CDC73: variants seen among roughly 807,000 people sequenced by gnomAD.
CDC73 encodes the protein cell division cycle 73, also known as parafibromin.
CDC73 carries 21 observed loss-of-function variants against 83.7 expected under a neutral mutation model. That is an observed-to-expected ratio of 0.25 (90% CI 0.18 to 0.36). The LOEUF (loss-of-function observed/expected upper bound fraction) is 0.36. Among genes scored for constraint, CDC73 ranks in the 10% least tolerant of loss-of-function variants. CDC73 has a pLI of 1.00. For missense variants in CDC73, 342 were observed against 653.3 expected, an observed-to-expected ratio of 0.52 and a Z score of 5.19; for synonymous variants, 224 against 212.9, an observed-to-expected ratio of 1.05 and a Z score of -0.45.
intron 10 of CDC73, among the ~76,000 whole-genome samples, chr1:193,190,702 C>G (rs1008883262): frequency 6.6e-6 from 1 of 152,200 alleles, no homozygotes; most frequent in Non-Finnish European, 1.5e-5. Context: ...TGTTTTAATT[C>G]ATGCAAACTA....
chr1:193,151,164 T>G (rs1181709430), intron 9 of CDC73, among the ~76,000 whole-genome samples: 1 of 152,192 alleles, frequency 6.6e-6, no homozygotes, highest in South Asian at 2.1e-4. Context: ...ATGACTTGAT[T>G]CATGAAAATA....
At chr1:193,166,315 C>T (rs1479721306) in intron 10 of CDC73, among the ~76,000 whole-genome samples, 1 of 152,068 alleles carries the variant, frequency 6.6e-6, no homozygotes, top group Non-Finnish European at 1.5e-5. Flanking sequence ...ACTGCAATGC[C>T]CAGCTAATTT....
chr1:193,147,840 C>A, intron 7 of CDC73, 27 bp from the exon 8 acceptor site: 1 of 1,253,614 alleles, frequency 8.0e-7, no homozygotes, highest in Non-Finnish European at 1.2e-6. Flanking sequence ...TTAAAGTGGG[C>A]TTAATTAAAA....
chr1:193,209,327 T>TG (rs1425995287), intron 11 of CDC73, among the ~76,000 whole-genome samples: 2 of 152,172 alleles, frequency 1.3e-5, no homozygotes, highest in Admixed American at 1.3e-4. Context: ...ATTCAGTAAA[T>TG]GGTAAGTATG....
At chr1:193,246,169 G>T (rs530508821) in intron 15 of CDC73, among the ~76,000 whole-genome samples, 5 of 151,968 alleles carry the variant, frequency 3.3e-5, no homozygotes, top group African/African-American at 1.2e-4. Flanking sequence ...TTTGTTGTCA[G>T]TGCTTTTATT....
At chr1:193,250,069 A>C (rs1678021772) in intron 16 of CDC73, among the ~76,000 whole-genome samples, 198 bp downstream of exon 16, 1 of 151,918 alleles carries the variant, frequency 6.6e-6, no homozygotes, top group Non-Finnish European at 1.5e-5. Context: ...GCCTGATAGA[A>C]GTAACACTAA....
chr1:193,193,303 GA>G (rs1270913319), intron 10 of CDC73, among the ~76,000 whole-genome samples: 1 of 152,190 alleles, frequency 6.6e-6, no homozygotes, highest in Non-Finnish European at 1.5e-5. Context: ...TTTCTTTGAA[GA>G]AACTGATAGC....
At chr1:193,194,115 A>G (rs1206029520) in intron 10 of CDC73, among the ~76,000 whole-genome samples, 1 of 152,160 alleles carries the variant, frequency 6.6e-6, no homozygotes, top group East Asian at 1.9e-4. Flanking sequence ...ATGGTATACC[A>G]TTCTTCTACC....
intron 3 of CDC73, among the ~76,000 whole-genome samples, chr1:193,130,589 C>T (rs897029549): frequency 6.6e-6 from 1 of 152,170 alleles, no homozygotes; most frequent in African/African-American, 2.4e-5. Flanking sequence ...TGTTTTTGAT[C>T]CCACATTCCT....
At chr1:193,190,905 G>A (rs1676907363) in intron 10 of CDC73, among the ~76,000 whole-genome samples, 1 of 152,142 alleles carries the variant, frequency 6.6e-6, no homozygotes, top group Non-Finnish European at 1.5e-5. Flanking sequence ...GATGTTTCTA[G>A]TTAACAGAAT....
Position 193,234,150 on chromosome 1 carries a change from TTCTC to T in CDC73, c.1316+1019_1316+1022del, listed in dbSNP as rs1301715434. 5.3e-3 allele frequency among the ~76,000 whole-genome samples: 566 copies of T among 107,296 alleles called. 2 individuals carry two copies. The highest frequency in any genetic ancestry group is 7.3e-3 in the Non-Finnish European group (398 of 54,774). 70.4% of individuals were successfully genotyped at this position (107,296 alleles called of 152,430 possible). A position where few individuals can be genotyped will look rare whatever the true frequency, so the allele number is the denominator to read the frequency against. On this transcript the variant is annotated intron_variant, in intron 14 of 16. Transcript: ENST00000367435. ...TTATGCCTCAAGACTGGTAGGATAA[TTCTC>T]TCTCTCTCTCTCTCTCTCTCTCACA...
At chr1:193,192,195 C>A (rs1364549553) in intron 10 of CDC73, among the ~76,000 whole-genome samples, 1 of 152,052 alleles carries the variant, frequency 6.6e-6, no homozygotes, top group Non-Finnish European at 1.5e-5. Context: ...GTAATTCCAG[C>A]ACTTTGGGAG....
At chr1:193,193,026 A>T (rs1418676011) in intron 10 of CDC73, among the ~76,000 whole-genome samples, 1 of 152,140 alleles carries the variant, frequency 6.6e-6, no homozygotes, top group African/African-American at 2.4e-5. Flanking sequence ...GCCTTCCAAG[A>T]AGGTTTGCTT....
At chr1:193,170,484 G>A (rs920750118) in intron 10 of CDC73, among the ~76,000 whole-genome samples, 3 of 152,216 alleles carry the variant, frequency 2.0e-5, no homozygotes, top group East Asian at 1.9e-4. Context: ...TCTGACTGGC[G>A]TGAGATGGTA....
At chr1:193,222,874 ATGATTCCATTTTC>A (rs1677497328) in intron 13 of CDC73, among the ~76,000 whole-genome samples, 1 of 151,156 alleles carries the variant, frequency 6.6e-6, no homozygotes, top group Admixed American at 6.6e-5. Context: ...TGTTTCTTAA[ATGATTCCATTTTC>A]TGTCTCATTT....
At chr1:193,133,799 A>G (rs570912039) in intron 3 of CDC73, among the ~76,000 whole-genome samples, 1 of 152,138 alleles carries the variant, frequency 6.6e-6, no homozygotes, top group Non-Finnish European at 1.5e-5. Flanking sequence ...AAGACCAAAC[A>G]CTCTATGGAT....
chr1:193,148,050 T>C, intron 8 of CDC73, 85 bp downstream of exon 8: 1 of 901,508 alleles, frequency 1.1e-6, no homozygotes, highest in South Asian at 1.4e-5. Flanking sequence ...CATCTTCACA[T>C]TTTAAAATCA....
At chr1:193,162,319 ATATATAC>A (rs1445078754) in intron 10 of CDC73, among the ~76,000 whole-genome samples, 7 of 132,264 alleles carry the variant, frequency 5.3e-5, no homozygotes, top group Non-Finnish European at 1.1e-4. Flanking sequence ...ATTATATATC[ATATATAC>A]TATATACTAT....
In CDC73 at chr1:193,147,980, C is replaced by T. The variant is rs1243928478; in HGVS notation, c.828+15C>T. 1.9e-6 allele frequency: 3 copies of T among 1,544,620 alleles called. No individual in the cohort carries two copies. Among genetic ancestry groups the T allele is most frequent in the South Asian group, 1.1e-5 (1 of 89,512 alleles). On this transcript the variant is annotated intron_variant, in intron 8 of 16. Coordinates refer to ENST00000367435, the MANE Select transcript of CDC73 (RefSeq NM_024529.5). ...CAGCACCTGTGGTAAGAATGCTTTACTGCTTTACAGTAGATTTAATGAAGT... is the reference window on the plus strand; with the variant it reads ...CAGCACCTGTGGTAAGAATGCTTTATTGCTTTACAGTAGATTTAATGAAGT...
Sources: allele counts gnomAD v4.1 joint callset (sites outside exome capture counted in the v4.1 genomes callset), GRCh38; gene constraint gnomAD v4.1.1; transcripts MANE v1.5; gene names NCBI Gene and HGNC (gene_info 2026-07-23, HGNC 2026-07-21).